Variants in TRERF1 observed in about 807,000 individuals in gnomAD.
TRERF1 encodes transcriptional regulating factor 1, also known as transcriptional-regulating factor 1.
Under a neutral mutation model 122.9 loss-of-function variants are expected in TRERF1, and 27 were observed. The observed-to-expected ratio is 0.22, with a 90% CI of 0.16 to 0.30. The LOEUF (loss-of-function observed/expected upper bound fraction) is 0.30, where lower values mean the gene tolerates loss of function less well. TRERF1 is among the 10% of genes least tolerant of loss of function. TRERF1 has a pLI of 1.00. For missense variants in TRERF1, 1,248 were observed against 1,560.3 expected, an observed-to-expected ratio of 0.80 and a Z score of 3.37; for synonymous variants, 636 against 641.7, an observed-to-expected ratio of 0.99 and a Z score of 0.13.
At chr6:42,300,481 C>T (rs1468315142) in intron 4 of TRERF1, among the ~76,000 whole-genome samples, 157 bp downstream of exon 4, 2 of 152,240 alleles carry the variant, frequency 1.3e-5, no homozygotes, top group Admixed American at 6.5e-5. Flanking sequence ...AATGAGCACA[C>T]TTTAATCTGT....
At chr6:42,257,556 C>T (rs537580856) in intron 10 of TRERF1, among the ~76,000 whole-genome samples, 4 of 152,302 alleles carry the variant, frequency 2.6e-5, no homozygotes, top group South Asian at 4.1e-4. Flanking sequence ...TCCCATTTGA[C>T]GAGTCAACTA....
chr6:42,387,873 T>C (rs1272192529), intron 2 of TRERF1, among the ~76,000 whole-genome samples: 1 of 152,102 alleles, frequency 6.6e-6, no homozygotes, highest in Non-Finnish European at 1.5e-5. Flanking sequence ...AGTGGCACAA[T>C]CTCAGTTCAC....
chr6:42,311,765 C>CAAAAA (rs10530333), intron 3 of TRERF1, among the ~76,000 whole-genome samples: 4 of 34,588 alleles, frequency 1.2e-4, no homozygotes, highest in African/African-American at 1.6e-4. Flanking sequence ...GACTCCGTCT[C>CAAAAA]AAAAAAAAAA....
intron 3 of TRERF1, among the ~76,000 whole-genome samples, chr6:42,362,619 A>G (rs990055047): frequency 6.6e-6 from 1 of 152,228 alleles, no homozygotes; most frequent in African/African-American, 2.4e-5. Context: ...GAGTCCAGCA[A>G]TCCGCCTCTG....
At chr6:42,438,515 C>T (rs1237323511) in intron 2 of TRERF1, among the ~76,000 whole-genome samples, 1 of 150,980 alleles carries the variant, frequency 6.6e-6, no homozygotes, top group Non-Finnish European at 1.5e-5. Flanking sequence ...GAGGCTGAGG[C>T]AGGAGAATTG....
rs775763444 is a variant in TRERF1, at chr6:42,268,798, G to T, written c.793C>A (p.Gln265Lys). Residue 265 changes from glutamine to lysine, a missense_variant, in exon 5 of 18, where the codon CAG (glutamine) becomes AAG (lysine). Physicochemically the swap from Gln to Lys is moderately conservative, Grantham distance 53. This residue lies in a region of TRERF1 where 946 missense variants were observed against 1,073.0 expected (regional missense o/e 0.88). Coordinates refer to ENST00000372922, the Ensembl canonical transcript of TRERF1. The surrounding 1 kb of genome is among the most constrained non-coding windows in gnomAD (Gnocchi z 4.4). ...TGCGGTGGGTAATACTGGTGCTGCT[G>T]CATCTGTTGCATGTGCTGTGACAGC... 8.7e-6 allele frequency: 14 copies of T among 1,614,164 alleles called. No homozygotes were observed. Among genetic ancestry groups the T allele is most frequent in the Non-Finnish European group, 1.7e-6 (2 of 1,180,028 alleles).
chr6:42,403,939 C>G (rs111676467), intron 2 of TRERF1, among the ~76,000 whole-genome samples: 1 of 152,126 alleles, frequency 6.6e-6, no homozygotes, highest in African/African-American at 2.4e-5. Flanking sequence ...AGACCCCCCC[C>G]AGGCCTTGCC....
At position 42,275,435 on chromosome 6, in the gene TRERF1, C is replaced by T. The variant is rs919951387; in HGVS notation, c.-258-5587G>A. Among the ~76,000 whole-genome samples, 5 of 152,258 alleles carry T rather than the reference C, an allele frequency of 3.3e-5. No individual in the cohort carries two copies. Among genetic ancestry groups the T allele is most frequent in the African/African-American group, 1.2e-4 (5 of 41,466 alleles). ...GAACCTAAGGTGCCACTCCACGCTC[C>T]CACAGAGCCTGTGACCGCTTTTCCT... On this transcript the variant is annotated intron_variant, in intron 4 of 17. Transcript: ENST00000372922. This position sits in a 1 kb window ranked among gnomAD's most constrained non-coding sequence, Gnocchi z 4.1.
At chr6:42,309,053 C>T (rs1787780336) in intron 3 of TRERF1, among the ~76,000 whole-genome samples, 1 of 152,106 alleles carries the variant, frequency 6.6e-6, no homozygotes, top group South Asian at 2.1e-4. Flanking sequence ...TGGGCCCTAC[C>T]ATTAGAGACT....
chr6:42,228,488 T>C lies in TRERF1; in HGVS notation c.3460A>G (p.Lys1154Glu), dbSNP rs1769865018. 1 of 1,614,182 alleles carries C rather than the reference T, an allele frequency of 6.2e-7. No individual in the cohort carries two copies. Among genetic ancestry groups the C allele is most frequent in the East Asian group, 2.2e-5 (1 of 44,870 alleles). ...AGGATGTCCACATCCTTGATGGGTT[T>C]GATCAGACTCAGCTGGTCCAGGGGC... Residue 1154 changes from lysine to glutamate, a missense_variant, in exon 18 of 18, where the codon AAA becomes GAA. Transcript: ENST00000372922. The surrounding 1 kb of genome is among the most constrained non-coding windows in gnomAD (Gnocchi z 4.2).
At position 42,263,854 on chromosome 6, in the gene TRERF1, G is replaced by A. The variant is rs1778688085; in HGVS notation, c.1636-286C>T. Among the ~76,000 whole-genome samples, 2 of 152,202 alleles carry A rather than the reference G, an allele frequency of 1.3e-5. No homozygotes were observed. The highest frequency in any genetic ancestry group is 4.1e-4 in the South Asian group (2 of 4,832). On this transcript the variant is annotated intron_variant, in intron 7 of 17. Coordinates refer to ENST00000372922, the Ensembl canonical transcript of TRERF1. The surrounding 1 kb of genome is among the most constrained non-coding windows in gnomAD (Gnocchi z 5.6). ...TGGTTGTCATGCTTTTAAAGAAAGG[G>A]ACACGGACTTGTAATCAGTCCAAAA...
chr6:42,264,336 A>G (rs16895474), intron 7 of TRERF1, among the ~76,000 whole-genome samples: 4,643 of 152,336 alleles, frequency 0.03, 95 homozygotes, highest in African/African-American at 0.046. Flanking sequence ...TTTCTCTGGC[A>G]ATTGACCACT....
rs538557482 is a variant in TRERF1, at chr6:42,425,525, G to A, written c.-454+25652C>T. Among the ~76,000 whole-genome samples the A allele has an allele frequency of 1.8e-3, 230 of 124,744 alleles. 2 individuals are homozygous for A. The highest frequency in any genetic ancestry group is 8.1e-3 in the Middle Eastern group (2 of 246). 81.8% of individuals were successfully genotyped at this position (124,744 alleles called of 152,430 possible). Reference sequence around the variant, plus strand: ...CATACCTAAACCGACACGGCCCCCTGGGCATTTTTTTTTTTTTTTTTTTTT... The same window carrying A: ...CATACCTAAACCGACACGGCCCCCTAGGCATTTTTTTTTTTTTTTTTTTTT... On this transcript the variant is annotated intron_variant, in intron 2 of 17. Transcript: ENST00000372922.
chr6:42,409,478 T>A (rs1780796159), intron 2 of TRERF1, among the ~76,000 whole-genome samples: 2 of 152,178 alleles, frequency 1.3e-5, no homozygotes, highest in Admixed American at 1.3e-4. Flanking sequence ...TGATTATTAT[T>A]ATAATTATCA....
At chr6:42,256,205 C>T (rs1264959472) in intron 12 of TRERF1, among the ~76,000 whole-genome samples, 1 of 150,852 alleles carries the variant, frequency 6.6e-6, no homozygotes, top group Non-Finnish European at 1.5e-5. Flanking sequence ...GAAGACAGCA[C>T]CAAGGCATGG....
intron 2 of TRERF1, among the ~76,000 whole-genome samples, chr6:42,443,371 A>C (rs1412948476): frequency 2.0e-5 from 3 of 152,258 alleles, no homozygotes; most frequent in African/African-American, 7.2e-5. Context: ...CCGATTAGTG[A>C]AAAGCACTGG....
intron 3 of TRERF1, among the ~76,000 whole-genome samples, chr6:42,302,253 T>C (rs556704740): frequency 6.6e-6 from 1 of 152,218 alleles, no homozygotes; most frequent in Non-Finnish European, 1.5e-5. Flanking sequence ...GATTTTTTTT[T>C]AAATGAGAAA....
chr6:42,286,390 C>T (rs71560760), intron 4 of TRERF1, among the ~76,000 whole-genome samples: 1 of 141,250 alleles, frequency 7.1e-6, no homozygotes, highest in African/African-American at 2.7e-5. Context: ...GCAACCTACT[C>T]ATCTGACAAA....
chr6:42,398,995 C>T (rs1026622337), intron 2 of TRERF1, among the ~76,000 whole-genome samples: 1 of 152,124 alleles, frequency 6.6e-6, no homozygotes, highest in African/African-American at 2.4e-5. Context: ...AATTCCCATC[C>T]CCTCTATGGG....
Sources: gnomAD v4.1 joint callset for allele counts (sites outside exome capture counted in the v4.1 genomes callset) on GRCh38, gnomAD v4.1.1 for gene constraint, gnomAD v4.1.1 regional missense constraint, Gnocchi (gnomAD v3.1) non-coding constraint, MANE v1.5 for transcripts, NCBI Gene and HGNC (gene_info 2026-07-23, HGNC 2026-07-21) for gene names.